The following RIMS4 variants were observed in gnomAD, a reference collection of about 807,000 sequenced individuals.
RIMS4 encodes regulating synaptic membrane exocytosis protein 4.
RIMS4 carries 9 observed loss-of-function variants against 29.0 expected under a neutral mutation model. The ratio of observed to expected loss-of-function variants is 0.31; its 90% CI spans 0.19 to 0.54. The LOEUF is 0.54. Among genes scored for constraint, RIMS4 ranks in the 20% least tolerant of loss-of-function variants. The pLI, the probability that RIMS4 is intolerant of heterozygous loss-of-function variation, is 0.94. For missense variants in RIMS4, 193 were observed against 365.7 expected, an observed-to-expected ratio of 0.53 and a Z score of 3.85; for synonymous variants, 130 against 152.9, an observed-to-expected ratio of 0.85 and a Z score of 1.10.
chr20:44,777,761 G>C (rs927891698), intron 1 of RIMS4, among the ~76,000 whole-genome samples: 2 of 152,208 alleles, frequency 1.3e-5, no homozygotes, highest in Admixed American at 1.3e-4. Context: ...CAAGCCAAGA[G>C]AGGCTCCATG....
chr20:44,774,158 G>T (rs546553915), intron 1 of RIMS4, among the ~76,000 whole-genome samples: 53 of 152,224 alleles, frequency 3.5e-4, no homozygotes, highest in African/African-American at 1.2e-3. Flanking sequence ...GGCCCCCAAA[G>T]TGACTGTTCC....
chr20:44,791,676 G>A (rs762372925), intron 1 of RIMS4, among the ~76,000 whole-genome samples: 4 of 152,212 alleles, frequency 2.6e-5, no homozygotes, highest in Admixed American at 6.5e-5. Context: ...GGCTGAGGAG[G>A]GCTGAGAGGC....
At chr20:44,762,048 T>C (rs993217448) in intron 2 of RIMS4, among the ~76,000 whole-genome samples, 2 of 152,064 alleles carry the variant, frequency 1.3e-5, no homozygotes, top group East Asian at 1.9e-4. Context: ...GAGTGGGGGA[T>C]GGTTTTGGGA....
intron 2 of RIMS4, among the ~76,000 whole-genome samples, chr20:44,764,862 C>T (rs530116485): frequency 1.1e-4 from 17 of 152,322 alleles, no homozygotes; most frequent in African/African-American, 4.1e-4. Flanking sequence ...CCAGGATATA[C>T]CATATCATAC....
intron 1 of RIMS4, among the ~76,000 whole-genome samples, chr20:44,809,289 C>T (rs1258570855): frequency 6.6e-6 from 1 of 152,146 alleles, no homozygotes; most frequent in African/African-American, 2.4e-5. Context: ...TGGTGGATTC[C>T]CTTCCTCACC....
intron 1 of RIMS4, among the ~76,000 whole-genome samples, chr20:44,772,830 G>A (rs1215291059): frequency 6.6e-6 from 1 of 152,156 alleles, no homozygotes; most frequent in East Asian, 1.9e-4. Context: ...CAAGAGAGCT[G>A]GGCCTGCGTA....
intron 1 of RIMS4, among the ~76,000 whole-genome samples, chr20:44,777,505 A>G (rs1280561669): frequency 6.6e-6 from 1 of 152,246 alleles, no homozygotes; most frequent in East Asian, 1.9e-4. Flanking sequence ...GACAAGTATT[A>G]TTATCCTAAT....
chr20:44,773,687 T>A (rs984824706), intron 1 of RIMS4, among the ~76,000 whole-genome samples: 1 of 151,866 alleles, frequency 6.6e-6, no homozygotes, highest in South Asian at 2.1e-4. Flanking sequence ...AACAACTCAG[T>A]CCCCCAGAGC....
chr20:44,762,991 TCA>T (rs1568895120), intron 2 of RIMS4, among the ~76,000 whole-genome samples: 1 of 152,232 alleles, frequency 6.6e-6, no homozygotes, highest in Non-Finnish European at 1.5e-5. Flanking sequence ...CTGTGCTGTC[TCA>T]GTTTCAAATG....
At chr20:44,778,603 T>C (rs2145460402) in intron 1 of RIMS4, among the ~76,000 whole-genome samples, 2 of 152,268 alleles carry the variant, frequency 1.3e-5, no homozygotes, top group Admixed American at 1.3e-4. Flanking sequence ...AGTTTGAGGC[T>C]GCAGTGAGCT....
Position 44,753,288 on chromosome 20 carries a change from C to T in RIMS4, c.*2846G>A, listed in dbSNP as rs1232049009. On this transcript the variant is annotated 3_prime_UTR_variant, in exon 6 of 6. Transcript: ENST00000372851. ...ACCTCATACTGCCCTGGCTCCGGCT[C>T]AGCCTCTATTGGGAGGAGGGGACCC... 1 of 152,636 alleles carries T rather than the reference C, an allele frequency of 6.6e-6. No individual in the cohort carries two copies. Among genetic ancestry groups the T allele is most frequent in the Non-Finnish European group, 1.5e-5 (1 of 68,078 alleles). 9.5% of individuals were successfully genotyped at this position (152,636 alleles called of 1,614,324 possible). A position where few individuals can be genotyped will look rare whatever the true frequency, so the allele number is the denominator to read the frequency against.
intron 1 of RIMS4, among the ~76,000 whole-genome samples, chr20:44,786,557 T>C (rs1347818859): frequency 6.6e-6 from 1 of 152,218 alleles, no homozygotes; most frequent in Non-Finnish European, 1.5e-5. Flanking sequence ...CCTCACCCAC[T>C]GAGCTCTTCT....
intron 1 of RIMS4, among the ~76,000 whole-genome samples, chr20:44,798,067 C>T (rs1025807148): frequency 2.0e-5 from 3 of 152,200 alleles, no homozygotes; most frequent in African/African-American, 4.8e-5. Context: ...AGGGCCTCTG[C>T]CCTCCTCTCT....
chr20:44,758,248 A>C, intron 2 of RIMS4, 64 bp from the exon 3 acceptor site: 21 of 1,160,860 alleles, frequency 1.8e-5, no homozygotes, highest in Non-Finnish European at 2.5e-5. Context: ...CTCTGGACTC[A>C]AGCAGTCAAC....
Position 44,755,956 on chromosome 20 carries a change from G to A in RIMS4, c.*178C>T. 1 of 580,438 alleles carries A rather than the reference G, an allele frequency of 1.7e-6. No homozygotes were observed. The highest frequency in any genetic ancestry group is 1.9e-5 in the African/African-American group (1 of 53,790). The allele number at this position is 580,438 out of a possible 1,614,324, so 36.0% of individuals were successfully genotyped here. On this transcript the variant is annotated 3_prime_UTR_variant, in exon 6 of 6. Transcript: ENST00000372851. The stretch of plus-strand genomic sequence containing the variant: ...CCCGTTGGGAGAGGGGAGGTCTCGG[G>A]GGTAGGAGGCAAAGAAGGGGTGAGG...
At chr20:44,803,537 C>G (rs2066285550) in intron 1 of RIMS4, among the ~76,000 whole-genome samples, 1 of 152,210 alleles carries the variant, frequency 6.6e-6, no homozygotes, top group African/African-American at 2.4e-5. Flanking sequence ...ACAGTCATCT[C>G]ACTCCCCCGT....
intron 1 of RIMS4, among the ~76,000 whole-genome samples, chr20:44,806,733 T>C (rs1216530124): frequency 1.3e-5 from 2 of 152,192 alleles, no homozygotes; most frequent in African/African-American, 4.8e-5. Flanking sequence ...AGCATAATGG[T>C]TGATTAAAAG....
At chr20:44,800,118 A>T (rs1371732624) in intron 1 of RIMS4, among the ~76,000 whole-genome samples, 3 of 152,144 alleles carry the variant, frequency 2.0e-5, no homozygotes, top group Admixed American at 1.3e-4. Context: ...CGTTACTTTC[A>T]CCATGCTATA....
At chr20:44,791,825 C>T (rs534176441) in intron 1 of RIMS4, among the ~76,000 whole-genome samples, 1 of 152,178 alleles carries the variant, frequency 6.6e-6, no homozygotes, top group African/African-American at 2.4e-5. Flanking sequence ...AGAGGCCTGA[C>T]GATGATGCTA....
Sources: allele counts gnomAD v4.1 joint callset (sites outside exome capture counted in the v4.1 genomes callset), GRCh38; gene constraint gnomAD v4.1.1; transcripts MANE v1.5; gene names NCBI Gene and HGNC (gene_info 2026-07-23, HGNC 2026-07-21).